Variants in RIMS1 observed in about 807,000 individuals in gnomAD.
RIMS1 encodes regulating synaptic membrane exocytosis 1, also known as regulating synaptic membrane exocytosis protein 1.
In RIMS1, 83 loss-of-function variants were observed where a neutral mutation model predicts 214.1. The observed-to-expected ratio is 0.39, with a 90% confidence interval of 0.32 to 0.47. The LOEUF (loss-of-function observed/expected upper bound fraction) is 0.47. RIMS1 is among the 20% of genes least tolerant of loss of function. The probability of loss-of-function intolerance (pLI) is 0.99; values close to 1 mark genes in which losing one functional copy is unlikely to be tolerated. For missense variants in RIMS1, 2,050 were observed against 2,161.8 expected (o/e 0.95, Z 1.03); for synonymous variants, 793 against 786.8 (o/e 1.01, Z -0.13).
chr6:71,993,411 G>A (rs979803075), intron 2 of RIMS1, among the ~76,000 whole-genome samples: 24 of 152,182 alleles, frequency 1.6e-4, no homozygotes, highest in Non-Finnish European at 2.9e-4. Context: ...TTCATGACAT[G>A]CAAAGCAGAA....
chr6:72,287,396 C>T (rs1403634439), intron 24 of RIMS1, among the ~76,000 whole-genome samples: 2 of 152,120 alleles, frequency 1.3e-5, no homozygotes, highest in Non-Finnish European at 2.9e-5. Flanking sequence ...AGTCCATTTG[C>T]AGCAACAAAA....
intron 2 of RIMS1, among the ~76,000 whole-genome samples, chr6:72,035,186 G>C (rs1294271139): frequency 6.6e-6 from 1 of 152,086 alleles, no homozygotes; most frequent in East Asian, 1.9e-4. Flanking sequence ...GAAGATCTCT[G>C]TAAAGAATTT....
intron 2 of RIMS1, among the ~76,000 whole-genome samples, chr6:71,992,420 T>TTCTCTCTCTCTCTC (rs1801945947): frequency 1.4e-5 from 1 of 73,696 alleles, no homozygotes; most frequent in African/African-American, 6.3e-5. Context: ...CTTTCTTTCT[T>TTCTCTCTCTCTCTC]TCTTTCTTTC....
intron 4 of RIMS1, among the ~76,000 whole-genome samples, chr6:72,149,933 G>A (rs920964448): frequency 1.3e-5 from 2 of 152,178 alleles, no homozygotes; most frequent in Non-Finnish European, 2.9e-5. Flanking sequence ...GCATGACCTA[G>A]CCTGCCTGTT....
intron 29 of RIMS1, among the ~76,000 whole-genome samples, chr6:72,344,065 A>T (rs564725825): frequency 6.6e-6 from 1 of 151,952 alleles, no homozygotes; most frequent in South Asian, 2.1e-4. Flanking sequence ...GACAATAATT[A>T]TGCCAACAAA....
chr6:72,120,455 T>C (rs1031104533), intron 4 of RIMS1, among the ~76,000 whole-genome samples: 14 of 152,032 alleles, frequency 9.2e-5, no homozygotes, highest in African/African-American at 7.2e-5. Flanking sequence ...ACGTCTTCTT[T>C]TGAGAAGTAT....
Position 72,400,616 on chromosome 6 carries a change from C to T in RIMS1, c.4981C>T (p.Pro1661Ser), listed in dbSNP as rs749393004. The change falls in exon 34 of 34, where the codon CCG (proline) becomes TCG (serine). Residue 1661 changes from proline (P) to serine (S), a missense_variant. By Grantham distance (74) the Pro-to-Ser change is moderately conservative (BLOSUM62 -1). Coordinates refer to ENST00000521978, the MANE Select transcript of RIMS1 (RefSeq NM_014989.7). The stretch of plus-strand genomic sequence containing the variant: ...GATCGGATGGTACAAATTGTTCCCA[C>T]CGTCCTCACTGGTGGATCCCACACT... ...MVIGWYKLFPPSSLVDPTLTP... is the reference protein window; with the variant it reads ...MVIGWYKLFPSSSLVDPTLTP... 3.1e-6 allele frequency: 5 copies of T among 1,613,876 alleles called. No individual in the cohort carries two copies. Among genetic ancestry groups the T allele is most frequent in the Non-Finnish European group, 4.2e-6 (5 of 1,179,836 alleles).
intron 29 of RIMS1, among the ~76,000 whole-genome samples, chr6:72,389,522 G>A (rs539082867): frequency 6.6e-6 from 1 of 152,106 alleles, no homozygotes; most frequent in Non-Finnish European, 1.5e-5. Flanking sequence ...GGGAAAAAAT[G>A]CAGTGTTTCA....
chr6:72,283,801 A>G (rs1325988930), intron 23 of RIMS1, among the ~76,000 whole-genome samples: 1 of 152,130 alleles, frequency 6.6e-6, no homozygotes, highest in Non-Finnish European at 1.5e-5. Context: ...TGTCTAGACT[A>G]ATGAAATGTC....
chr6:71,891,560 CCA>C (rs1315666849), intron 1 of RIMS1, among the ~76,000 whole-genome samples: 2 of 152,056 alleles, frequency 1.3e-5, no homozygotes, highest in African/African-American at 4.8e-5. Flanking sequence ...ATGAGAGATC[CCA>C]GTTACCAACT....
chr6:72,240,830 A>T (rs1353629245), intron 9 of RIMS1, among the ~76,000 whole-genome samples: 3 of 152,000 alleles, frequency 2.0e-5, no homozygotes, highest in Non-Finnish European at 4.4e-5. Flanking sequence ...AGCCTGGCCA[A>T]CATGGTGAAA....
chr6:71,905,774 C>G (rs1775082466), intron 1 of RIMS1, among the ~76,000 whole-genome samples: 1 of 152,080 alleles, frequency 6.6e-6, no homozygotes, highest in Admixed American at 6.6e-5. Context: ...GTTGACTGGA[C>G]AAGAAGGCAA....
rs369707644 is a variant in RIMS1, at chr6:72,159,493, C to G, written c.472-20082C>G. ...CCTATGTCCTGAATGGTATTGCCTA[C>G]GTTTTCTTGTAGGGTTTTTATGGTT... On this transcript the variant is annotated intron_variant, in intron 4 of 33. Coordinates refer to ENST00000521978, the MANE Select transcript of RIMS1 (RefSeq NM_014989.7). Among the ~76,000 whole-genome samples, 68 of 140,574 alleles carry G rather than the reference C, an allele frequency of 4.8e-4. 10 individuals carry two copies. The East Asian group carries it at 0.011, about 22-fold the overall frequency. The allele number at this position is 140,574 out of a possible 152,430, so 92.2% of individuals were successfully genotyped here. A position where few individuals can be genotyped will look rare whatever the true frequency, so the allele number is the denominator to read the frequency against.
chr6:72,063,545 A>G (rs987970894), intron 2 of RIMS1, among the ~76,000 whole-genome samples: 4 of 152,214 alleles, frequency 2.6e-5, no homozygotes, highest in African/African-American at 7.2e-5. Context: ...AATGTTGTCC[A>G]CTAGTGGGAG....
At chr6:72,083,743 A>C (rs1833980072) in intron 2 of RIMS1, among the ~76,000 whole-genome samples, 1 of 152,194 alleles carries the variant, frequency 6.6e-6, no homozygotes, top group Non-Finnish European at 1.5e-5. Flanking sequence ...TACATTGATT[A>C]TCTCAATTAA....
At chr6:72,385,722 C>T (rs1046940704) in intron 29 of RIMS1, among the ~76,000 whole-genome samples, 3 of 152,252 alleles carry the variant, frequency 2.0e-5, no homozygotes, top group African/African-American at 7.2e-5. Flanking sequence ...GAGTAAGGGC[C>T]GAACGAATTT....
chr6:72,377,170 A>C lies in RIMS1; in HGVS notation c.4367-13428A>C, dbSNP rs557219723. Among the ~76,000 whole-genome samples, 4 of 152,070 alleles carry C rather than the reference A, an allele frequency of 2.6e-5. 1 individual carries two copies. In the South Asian group the frequency reaches 8.3e-4, roughly 32 times the overall value. On this transcript the variant is annotated intron_variant, in intron 29 of 33. Transcript: ENST00000521978. ...TCTGTGCTTGGGCTTGGCTTACCCC[A>C]CCTCCTGCTGAAACCTGTCACCCAC...
At chr6:71,992,410 CTTTCTT>C (rs1562050188) in intron 2 of RIMS1, among the ~76,000 whole-genome samples, 19 of 68,012 alleles carry the variant, frequency 2.8e-4, no homozygotes, top group African/African-American at 6.4e-4. Flanking sequence ...CTCTCTCTTT[CTTTCTT>C]TCTTTCTTTC....
At chr6:72,202,161 T>G (rs1393249848) in intron 6 of RIMS1, among the ~76,000 whole-genome samples, 1 of 152,216 alleles carries the variant, frequency 6.6e-6, no homozygotes, top group African/African-American at 2.4e-5. Flanking sequence ...CAGTAAACCC[T>G]TCTGAGGCTG....
Sources: allele counts gnomAD v4.1 joint callset (sites outside exome capture counted in the v4.1 genomes callset), GRCh38; gene constraint gnomAD v4.1.1; transcripts MANE v1.5; gene names NCBI Gene and HGNC (gene_info 2026-07-23, HGNC 2026-07-21).